Variants in CACNA2D1 observed in about 807,000 individuals in gnomAD.
CACNA2D1 encodes calcium voltage-gated channel auxiliary subunit alpha2delta 1.
In CACNA2D1, 53 loss-of-function variants were observed where a neutral mutation model predicts 171.5. The observed-to-expected ratio is 0.31, with a 90% CI of 0.25 to 0.39. The LOEUF is 0.39. Among genes scored for constraint, CACNA2D1 ranks in the 10% least tolerant of loss-of-function variants. CACNA2D1 has a pLI of 1.00. For synonymous variants in CACNA2D1, 442 were observed against 443.1 expected, an observed-to-expected ratio of 1.00 and a Z score of 0.03; for missense variants, 903 against 1,299.8, an observed-to-expected ratio of 0.69 and a Z score of 4.69.
intron 3 of CACNA2D1, among the ~76,000 whole-genome samples, chr7:82,267,599 T>C (rs1389304377): frequency 2.6e-5 from 4 of 152,302 alleles, no homozygotes; most frequent in South Asian, 2.1e-4. Flanking sequence ...CTAAATAGAA[T>C]CCTTCTTTTT....
intron 6 of CACNA2D1, among the ~76,000 whole-genome samples, chr7:82,098,237 T>C (rs918059326): frequency 2.6e-5 from 4 of 152,176 alleles, no homozygotes; most frequent in Non-Finnish European, 1.5e-5. Context: ...TAATTTCCCA[T>C]TAAAAAGTGA....
intron 24 of CACNA2D1, among the ~76,000 whole-genome samples, chr7:81,979,046 C>G (rs931391457): frequency 1.3e-5 from 2 of 151,878 alleles, no homozygotes; most frequent in African/African-American, 2.4e-5. Flanking sequence ...TTGAAAACAT[C>G]ATGCTACGTG....
chr7:82,374,622 G>A (rs753395981), intron 1 of CACNA2D1, among the ~76,000 whole-genome samples: 31 of 152,138 alleles, frequency 2.0e-4, no homozygotes, highest in African/African-American at 4.8e-4. Flanking sequence ...AAATAAAGCC[G>A]AATGAAAGGT....
chr7:82,136,623 T>C lies in CACNA2D1; in HGVS notation c.396+12A>G, dbSNP rs764738024. The C allele has an allele frequency of 6.3e-7, 1 of 1,576,514 alleles. No individual in the cohort carries two copies. Among genetic ancestry groups the C allele is most frequent in the Non-Finnish European group, 8.7e-7 (1 of 1,153,608 alleles). ...TTTTCTTGGAATTTAATGGAAAACATTTAATACTCACATCGAGATCATCCT... is the reference window on the plus strand; with the variant it reads ...TTTTCTTGGAATTTAATGGAAAACACTTAATACTCACATCGAGATCATCCT... On this transcript the variant is annotated intron_variant, in intron 5 of 38. Transcript: ENST00000356860.
intron 10 of CACNA2D1, among the ~76,000 whole-genome samples, chr7:82,051,392 C>T (rs1372942706): frequency 1.3e-5 from 2 of 151,680 alleles, no homozygotes; most frequent in East Asian, 1.9e-4. Context: ...ACAATCTGGA[C>T]AAAAGGTACA....
intron 1 of CACNA2D1, among the ~76,000 whole-genome samples, chr7:82,410,715 G>C (rs1827552397): frequency 6.6e-6 from 1 of 152,224 alleles, no homozygotes; most frequent in African/African-American, 2.4e-5. Context: ...AAAGCACGGG[G>C]AAGGCAGAAT....
At position 81,997,188 on chromosome 7, in the gene CACNA2D1, A is replaced by G. The variant is rs763081307; in HGVS notation, c.1653T>C (p.Ile551=). Residue 551 remains isoleucine (I), a synonymous_variant, in exon 19 of 39, where the codon ATT becomes ATC. Coordinates refer to ENST00000356860, the MANE Select transcript of CACNA2D1 (RefSeq NM_000722.4). ...TACTGATTCCACTCACCTCCACTTTAATATCATTCTCTAACTCTGCATCAA... is the reference window on the plus strand; with the variant it reads ...TACTGATTCCACTCACCTCCACTTTGATATCATTCTCTAACTCTGCATCAA... ...DFLDAELEND[I]KVEIRNKMID... 1.3e-6 allele frequency: 2 copies of G among 1,594,970 alleles called. No individual in the cohort carries two copies. Among genetic ancestry groups the G allele is most frequent in the Non-Finnish European group, 8.6e-7 (1 of 1,162,930 alleles).
chr7:82,211,671 C>A (rs1046359069), intron 3 of CACNA2D1, among the ~76,000 whole-genome samples: 3 of 152,142 alleles, frequency 2.0e-5, no homozygotes, highest in Non-Finnish European at 4.4e-5. Context: ...AATAAACATA[C>A]AAGTGCATGT....
intron 3 of CACNA2D1, among the ~76,000 whole-genome samples, chr7:82,246,360 T>C (rs1416392646): frequency 6.6e-6 from 1 of 152,144 alleles, no homozygotes; most frequent in Non-Finnish European, 1.5e-5. Flanking sequence ...TGAATGTAGT[T>C]CATCTCAATA....
In CACNA2D1 at chr7:82,443,514, G is replaced by C. The variant is rs956548091; in HGVS notation, c.-55C>G. The C allele has an allele frequency of 5.7e-6, 9 of 1,583,374 alleles. No homozygotes were observed. In the African/African-American group the frequency reaches 1.1e-4, roughly 19 times the overall value. On this transcript the variant is annotated 5_prime_UTR_variant, in exon 1 of 39. Coordinates refer to ENST00000356860, the MANE Select transcript of CACNA2D1 (RefSeq NM_000722.4). ...CTGCCCAAGCGGGGGAAGGAGCGGC[G>C]CTGGAAACCGCGGGCGGAGGAAGAG... is the stretch of plus-strand genomic sequence containing the variant.
intron 3 of CACNA2D1, among the ~76,000 whole-genome samples, chr7:82,180,288 C>T (rs909022228): frequency 6.6e-6 from 1 of 152,160 alleles, no homozygotes; most frequent in African/African-American, 2.4e-5. Flanking sequence ...TTCCCAAACT[C>T]AGGGTTCATC....
chr7:82,119,178 G>A (rs1298931070), intron 5 of CACNA2D1, among the ~76,000 whole-genome samples: 1 of 152,070 alleles, frequency 6.6e-6, no homozygotes, highest in African/African-American at 2.4e-5. Context: ...ATACAAGAAA[G>A]AACATCTATG....
chr7:82,185,645 G>T (rs1053094707), intron 3 of CACNA2D1, among the ~76,000 whole-genome samples: 1 of 149,548 alleles, frequency 6.7e-6, no homozygotes, highest in African/African-American at 2.4e-5. Flanking sequence ...AGTTCTTCTG[G>T]AGAATTTCGT....
chr7:82,218,415 A>G (rs1801399274), intron 3 of CACNA2D1, among the ~76,000 whole-genome samples: 1 of 152,316 alleles, frequency 6.6e-6, no homozygotes, highest in Admixed American at 6.5e-5. Context: ...ACCAAGAAGC[A>G]GTAAGCCTGA....
intron 22 of CACNA2D1, 31 bp downstream of exon 22, chr7:81,984,604 T>G (rs777164615): frequency 7.3e-6 from 9 of 1,241,200 alleles, no homozygotes; most frequent in African/African-American, 1.5e-5. Context: ...AGATAACAAA[T>G]GGACCCTGAA....
chr7:82,199,764 G>C (rs886478939), intron 3 of CACNA2D1, among the ~76,000 whole-genome samples: 2 of 151,934 alleles, frequency 1.3e-5, no homozygotes, highest in Non-Finnish European at 2.9e-5. Flanking sequence ...TCCATAAAAA[G>C]AGACATACAG....
At chr7:82,182,572 T>A (rs909074269) in intron 3 of CACNA2D1, among the ~76,000 whole-genome samples, 1 of 151,870 alleles carries the variant, frequency 6.6e-6, no homozygotes, top group Non-Finnish European at 1.5e-5. Context: ...GTTTTTTTTT[T>A]AATTTTAAGA....
chr7:81,981,399 C>G (rs1401478348), intron 24 of CACNA2D1, among the ~76,000 whole-genome samples: 1 of 152,124 alleles, frequency 6.6e-6, no homozygotes, highest in Non-Finnish European at 1.5e-5. Context: ...AGAAGCTTCT[C>G]AAGGATACGG....
intron 1 of CACNA2D1, among the ~76,000 whole-genome samples, chr7:82,373,760 G>A (rs1219494623): frequency 6.6e-6 from 1 of 152,120 alleles, no homozygotes; most frequent in Non-Finnish European, 1.5e-5. Flanking sequence ...TTCCTATTGT[G>A]TTTTCAAGGG....
Sources: allele counts gnomAD v4.1 joint callset (sites outside exome capture counted in the v4.1 genomes callset), GRCh38; gene constraint gnomAD v4.1.1; transcripts MANE v1.5; gene names NCBI Gene and HGNC (gene_info 2026-07-23, HGNC 2026-07-21).